The following CCNB3 variants were observed in gnomAD, a reference collection of about 807,000 sequenced individuals.
CCNB3 encodes the protein cyclin B3.
A neutral mutation model predicts 68.0 loss-of-function variants in CCNB3; 12 were observed. The observed-to-expected ratio is 0.18, with a 90% confidence interval of 0.11 to 0.29. The LOEUF (loss-of-function observed/expected upper bound fraction) is 0.29, where lower values mean the gene tolerates loss of function less well. Among genes scored for constraint, CCNB3 ranks in the 10% least tolerant of loss-of-function variants. The probability of loss-of-function intolerance (pLI) is 1.00; values close to 1 mark genes in which losing one functional copy is unlikely to be tolerated. For missense variants in CCNB3, 904 were observed against 993.1 expected (o/e 0.91, Z 1.21); for synonymous variants, 354 against 388.9 (o/e 0.91, Z 1.06).
Position 50,312,617 on chromosome X carries a change from C to T in CCNB3, c.3408C>T (p.Tyr1136=), listed in dbSNP as rs782704844. 2.5e-6 allele frequency: 3 copies of T among 1,194,987 alleles called. No individual in the cohort carries two copies. Among genetic ancestry groups the T allele is most frequent in the Non-Finnish European group, 3.4e-6 (3 of 882,782 alleles). ...TGTATGCCAAGGAAATCTTCAGTTACATGAAAGAGAGAGAGGTATTTAGGT... is the reference window on the plus strand; with the variant it reads ...TGTATGCCAAGGAAATCTTCAGTTATATGAAAGAGAGAGAGGTATTTAGGT... ...NPMYAKEIFS[Y]MKEREEQFIL... is the part of the protein sequence containing the mutation. Residue 1136 remains tyrosine (Y), a synonymous_variant, in exon 7 of 13, where the codon TAC becomes TAT. Transcript: ENST00000376042.
At chrX:50,303,199 G>C (rs1364719727) in intron 5 of CCNB3, among the ~76,000 whole-genome samples, 2 of 111,571 alleles carry the variant, frequency 1.8e-5, no homozygotes, top group Non-Finnish European at 3.8e-5. Context: ...AGGCTAGAAG[G>C]AAATGGTGCA....
chrX:50,227,675 G>A, intron 1 of CCNB3, among the ~76,000 whole-genome samples: 1 of 92,801 alleles, frequency 1.1e-5, no homozygotes, highest in Non-Finnish European at 2.1e-5. Context: ...TATATAGAGA[G>A]AATATATATA....
At chrX:50,348,374 A>T (rs782608437) in intron 11 of CCNB3, among the ~76,000 whole-genome samples, 2 of 112,143 alleles carry the variant, frequency 1.8e-5, no homozygotes, top group African/African-American at 6.5e-5. Flanking sequence ...CATTCTTACT[A>T]ATGATATGTA....
At chrX:50,294,145 T>TCA (rs1425935366) in intron 4 of CCNB3, among the ~76,000 whole-genome samples, 1 of 110,757 alleles carries the variant, frequency 9.0e-6, no homozygotes, top group African/African-American at 3.3e-5. Context: ...CTCCCTATGT[T>TCA]GCCCAGGCTG....
At chrX:50,317,711 A>G (rs1921804816) in intron 8 of CCNB3, among the ~76,000 whole-genome samples, 1 of 110,066 alleles carries the variant, frequency 9.1e-6, no homozygotes, top group Non-Finnish European at 1.9e-5. Flanking sequence ...CTGGAATTAC[A>G]GGTGCCCGCC....
rs1935634682 is a variant in CCNB3 at position 50,219,396 on chromosome X, G to T, written c.-113+14446G>T. 4.5e-5 allele frequency among the ~76,000 whole-genome samples: 5 copies of T among 111,024 alleles called. No individual in the cohort carries two copies. The South Asian group carries it at 1.5e-3, about 34-fold the overall frequency. ...CTAGGTTTTCTTCGGGGGTTTTTAT[G>T]GTTTTAGGTCTTACGTTTAAGTCTT... is the stretch of plus-strand genomic sequence containing the variant. On this transcript the variant is annotated intron_variant, in intron 1 of 12. Transcript: ENST00000376042.
chrX:50,290,216 A>T (rs1429170134), intron 4 of CCNB3, among the ~76,000 whole-genome samples: 1 of 111,853 alleles, frequency 8.9e-6, no homozygotes, highest in Non-Finnish European at 1.9e-5. Context: ...GTGGGCAATT[A>T]TCACAAAACA....
At chrX:50,285,757 A>T (rs1338182138) in intron 3 of CCNB3, among the ~76,000 whole-genome samples, 4 of 112,008 alleles carry the variant, frequency 3.6e-5, no homozygotes, top group Non-Finnish European at 7.5e-5. Context: ...TTTAATCAGA[A>T]TTATACTAGC....
At chrX:50,226,466 A>C (rs1458347758) in intron 1 of CCNB3, among the ~76,000 whole-genome samples, 2 of 69,458 alleles carry the variant, frequency 2.9e-5, no homozygotes, top group East Asian at 8.6e-4. Context: ...AAATATATAT[A>C]GAATATATAT....
chrX:50,288,244 C>A (rs1231630549), intron 3 of CCNB3, among the ~76,000 whole-genome samples: 2 of 110,421 alleles, frequency 1.8e-5, no homozygotes, highest in Non-Finnish European at 3.8e-5. Flanking sequence ...TGAAACCAGT[C>A]CCTGGTGCCA....
At position 50,228,927 on chromosome X, in the gene CCNB3, A is replaced by G. The variant is rs1335655538; in HGVS notation, c.-113+23977A>G. On this transcript the variant is annotated intron_variant, in intron 1 of 12. Transcript: ENST00000376042. ...ATATATATAGAATATATATAAATAC[A>G]TATAAATATATGTAGAATATATATA... Among the ~76,000 whole-genome samples the G allele has an allele frequency of 2.3e-4, 13 of 56,604 alleles. No individual in the cohort carries two copies. The Admixed American group carries it at 2.4e-3, about 10-fold the overall frequency. The allele number at this position is 56,604 out of a possible 115,157, so 49.2% of individuals were successfully genotyped here.
chrX:50,213,720 TG>T lies in CCNB3; in HGVS notation c.-113+8773del, dbSNP rs1278327348. 5.4e-5 allele frequency among the ~76,000 whole-genome samples: 6 copies of T among 111,849 alleles called. No homozygotes were observed. In the Admixed American group the frequency reaches 5.7e-4, roughly 11 times the overall value. On this transcript the variant is annotated intron_variant, in intron 1 of 12. Transcript: ENST00000376042. ...ACTATTCAAATGATGTATTTCCTATTGGGTGTGTTATAGCAGTGTGCTTTCG... is the reference window on the plus strand; with the variant it reads ...ACTATTCAAATGATGTATTTCCTATTGGTGTGTTATAGCAGTGTGCTTTCG...
chrX:50,322,717 A>G (rs782187218), intron 8 of CCNB3, among the ~76,000 whole-genome samples: 3 of 112,058 alleles, frequency 2.7e-5, no homozygotes, highest in East Asian at 5.6e-4. Context: ...AACTCAAACA[A>G]ATTTACAAGA....
At position 50,204,769 on chromosome X, in the gene CCNB3, A is replaced by G. The variant is rs1557205209; in HGVS notation, c.-294A>G. The stretch of plus-strand genomic sequence containing the variant: ...GTTGTTCTGAGGTGCATTTCTGTGG[A>G]AGCATTTCCGTCATTCTGAGACAGT... On this transcript the variant is annotated 5_prime_UTR_variant, in exon 1 of 13. Coordinates refer to ENST00000376042, the MANE Select transcript of CCNB3 (RefSeq NM_033031.3). 9.3e-6 allele frequency: 1 copy of G among 107,547 alleles called. No individual in the cohort carries two copies. Among genetic ancestry groups the G allele is most frequent in the African/African-American group, 3.4e-5 (1 of 29,398 alleles). 8.9% of individuals were successfully genotyped at this position (107,547 alleles called of 1,213,427 possible). A position where few individuals can be genotyped will look rare whatever the true frequency, so the allele number is the denominator to read the frequency against.
At chrX:50,211,434 CAGG>C (rs1231808568) in intron 1 of CCNB3, among the ~76,000 whole-genome samples, 1 of 111,527 alleles carries the variant, frequency 9.0e-6, no homozygotes, top group Non-Finnish European at 1.9e-5. Flanking sequence ...GAGGCTGAGG[CAGG>C]AGGATTGCTT....
chrX:50,211,605 A>ATG lies in CCNB3; in HGVS notation c.-113+6655_-113+6656insTG, dbSNP rs1935484317. ...TGAGGTGGGAGGATCGCTTGAGCCCAGGAGGTTGATGCTGCAATGAGGAGT... is the reference window on the plus strand; with the variant it reads ...TGAGGTGGGAGGATCGCTTGAGCCCATGGGAGGTTGATGCTGCAATGAGGAGT... On this transcript the variant is annotated intron_variant, in intron 1 of 12. Coordinates refer to ENST00000376042, the MANE Select transcript of CCNB3 (RefSeq NM_033031.3). Among the ~76,000 whole-genome samples the ATG allele has an allele frequency of 1.9e-4, 21 of 111,461 alleles. 1 individual carries two copies. The South Asian group carries it at 7.8e-3, about 41-fold the overall frequency.
At chrX:50,202,809 A>T (rs1156979467), upstream of CCNB3, 3 of 111,161 alleles carry the variant, frequency 2.7e-5, no homozygotes, top group East Asian at 8.5e-4. Flanking sequence ...AACCAGGAGC[A>T]GGTAAGGGCA....
chrX:50,217,023 T>C (rs1935582758), intron 1 of CCNB3, among the ~76,000 whole-genome samples: 1 of 111,537 alleles, frequency 9.0e-6, no homozygotes, highest in Admixed American at 9.6e-5. Flanking sequence ...CATCAGACCA[T>C]GTTCTAATTT....
intron 5 of CCNB3, among the ~76,000 whole-genome samples, chrX:50,301,979 G>A (rs1460347133): frequency 8.9e-6 from 1 of 112,648 alleles, no homozygotes; most frequent in Non-Finnish European, 1.9e-5. Context: ...TAAGCCTGTT[G>A]GAAAAGCGCA....
Sources: gnomAD v4.1 joint callset for allele counts (sites outside exome capture counted in the v4.1 genomes callset) on GRCh38, gnomAD v4.1.1 for gene constraint, MANE v1.5 for transcripts, NCBI Gene and HGNC (gene_info 2026-07-23, HGNC 2026-07-21) for gene names.